The following GNB1 variants were observed in gnomAD, a reference collection of about 807,000 sequenced individuals.
GNB1 encodes G protein subunit beta 1.
Under a neutral mutation model 42.9 loss-of-function variants are expected in GNB1, and 2 were observed. That is an observed-to-expected ratio of 0.05 (90% confidence interval 0.02 to 0.15). The LOEUF (loss-of-function observed/expected upper bound fraction) is 0.15, where lower values mean the gene tolerates loss of function less well. Among genes scored for constraint, GNB1 ranks in the 10% least tolerant of loss-of-function variants. The pLI, the probability that GNB1 is intolerant of heterozygous loss-of-function variation, is 1.00. For missense variants in GNB1, 193 were observed against 462.2 expected, an observed-to-expected ratio of 0.42 and a Z score of 5.34; for synonymous variants, 183 against 174.7, an observed-to-expected ratio of 1.05 and a Z score of -0.38.
At chr1:1,796,145 T>C (rs1646543566) in intron 7 of GNB1, among the ~76,000 whole-genome samples, 1 of 152,226 alleles carries the variant, frequency 6.6e-6, no homozygotes, top group Non-Finnish European at 1.5e-5. Context: ...ATATGTATTA[T>C]GTTAGATGGT....
At chr1:1,866,255 A>G (rs1238405994) in intron 1 of GNB1, among the ~76,000 whole-genome samples, 1 of 152,232 alleles carries the variant, frequency 6.6e-6, no homozygotes, top group South Asian at 2.1e-4. Flanking sequence ...ACAGTATCTT[A>G]AAACAGTATG....
At chr1:1,846,718 G>C (rs894298891) in intron 1 of GNB1, among the ~76,000 whole-genome samples, 1 of 152,202 alleles carries the variant, frequency 6.6e-6, no homozygotes, top group South Asian at 2.1e-4. Flanking sequence ...CACACTGCAC[G>C]TGACTAAATT....
At chr1:1,802,874 A>G (rs541456432) in intron 7 of GNB1, among the ~76,000 whole-genome samples, 3 of 152,214 alleles carry the variant, frequency 2.0e-5, no homozygotes, top group Non-Finnish European at 4.4e-5. Context: ...GAAGCAAACC[A>G]GTGGCCTACA....
chr1:1,805,841 C>T (rs971249355), intron 6 of GNB1, among the ~76,000 whole-genome samples: 3 of 152,086 alleles, frequency 2.0e-5, no homozygotes, highest in East Asian at 1.9e-4. Context: ...GGCGCCCAGC[C>T]GAAAACAAAA....
chr1:1,825,911 C>T (rs1646992051), intron 2 of GNB1, among the ~76,000 whole-genome samples: 1 of 150,838 alleles, frequency 6.6e-6, no homozygotes. Context: ...TCATTACAAA[C>T]CAGAGAACTT....
chr1:1,835,622 G>T (rs1028369851), intron 2 of GNB1, among the ~76,000 whole-genome samples: 1 of 152,176 alleles, frequency 6.6e-6, no homozygotes, highest in Admixed American at 6.5e-5. Context: ...GGCAACCAGT[G>T]TAACAGTGGA....
rs1646409729 is a variant in GNB1, at chr1:1,786,515, G to GGCT, written c.*545_*547dup. On this transcript the variant is annotated 3_prime_UTR_variant, in exon 12 of 12. Coordinates refer to ENST00000378609, the MANE Select transcript of GNB1 (RefSeq NM_002074.5). ...TTTACATCATTGACAACATCAGAGA[G>GGCT]GCTGCCCTAGACTCTCTGGTTTTGA... 6.3e-6 allele frequency: 1 copy of GGCT among 158,664 alleles called. No homozygotes were observed. Among genetic ancestry groups the GGCT allele is most frequent in the Non-Finnish European group, 1.4e-5 (1 of 72,290 alleles). 9.8% of individuals were successfully genotyped at this position (158,664 alleles called of 1,614,324 possible). A position where few individuals can be genotyped will look rare whatever the true frequency, so the allele number is the denominator to read the frequency against.
chr1:1,845,724 G>A (rs907928794), intron 1 of GNB1, among the ~76,000 whole-genome samples: 13 of 152,024 alleles, frequency 8.6e-5, no homozygotes, highest in Non-Finnish European at 1.8e-4. Flanking sequence ...CGGACTATCT[G>A]AAAGCAAGGA....
intron 3 of GNB1, among the ~76,000 whole-genome samples, chr1:1,824,763 G>A (rs932858440): frequency 6.6e-6 from 1 of 151,850 alleles, no homozygotes; most frequent in African/African-American, 2.4e-5. Context: ...TGTAGAGATG[G>A]GGGTTTCACT....
chr1:1,791,422 G>A (rs954686353), intron 8 of GNB1, among the ~76,000 whole-genome samples: 4 of 152,094 alleles, frequency 2.6e-5, no homozygotes, highest in African/African-American at 7.2e-5. Flanking sequence ...TGATCCGCCC[G>A]CCTCGGCCTC....
At chr1:1,809,189 A>ATTTT (rs34549355) in intron 5 of GNB1, among the ~76,000 whole-genome samples, 3 of 92,720 alleles carry the variant, frequency 3.2e-5, no homozygotes, top group Admixed American at 1.2e-4. Flanking sequence ...TTCAGATGCA[A>ATTTT]TTTTTTTTTT....
intron 7 of GNB1, among the ~76,000 whole-genome samples, chr1:1,797,601 C>T (rs1318589342): frequency 6.6e-6 from 1 of 152,174 alleles, no homozygotes; most frequent in African/African-American, 2.4e-5. Flanking sequence ...CCACATCCAG[C>T]TAATTTTTGT....
At chr1:1,851,228 T>C (rs958473182) in intron 1 of GNB1, among the ~76,000 whole-genome samples, 4 of 152,108 alleles carry the variant, frequency 2.6e-5, no homozygotes, top group African/African-American at 9.6e-5. Context: ...CTGACCAACA[T>C]GGAGAAACCA....
intron 2 of GNB1, among the ~76,000 whole-genome samples, chr1:1,829,052 A>C (rs893036836): frequency 2.0e-5 from 3 of 151,992 alleles, no homozygotes; most frequent in African/African-American, 7.2e-5. Flanking sequence ...ATAAAGATAT[A>C]TTTTCTTTTC....
intron 1 of GNB1, among the ~76,000 whole-genome samples, chr1:1,870,466 T>C (rs1306286153): frequency 6.6e-6 from 1 of 152,218 alleles, no homozygotes; most frequent in Admixed American, 6.5e-5. Flanking sequence ...ATTATAGTTA[T>C]AAGCCACTAT....
At chr1:1,853,099 C>T (rs1648080612) in intron 1 of GNB1, among the ~76,000 whole-genome samples, 2 of 152,232 alleles carry the variant, frequency 1.3e-5, no homozygotes, top group South Asian at 4.2e-4. Context: ...CCATCCCTTT[C>T]CCCTCCTGCC....
intron 2 of GNB1, among the ~76,000 whole-genome samples, chr1:1,826,373 C>T (rs1348405679): frequency 6.6e-6 from 1 of 152,172 alleles, no homozygotes; most frequent in Non-Finnish European, 1.5e-5. Context: ...GCCAAAATCA[C>T]ACCACTGCAT....
chr1:1,808,852 C>T (rs1646737852), intron 5 of GNB1, among the ~76,000 whole-genome samples: 1 of 152,122 alleles, frequency 6.6e-6, no homozygotes, highest in African/African-American at 2.4e-5. Flanking sequence ...CCATGTTACC[C>T]AGGCTGGTCT....
At chr1:1,796,617 C>A (rs1016380384) in intron 7 of GNB1, among the ~76,000 whole-genome samples, 1 of 152,174 alleles carries the variant, frequency 6.6e-6, no homozygotes, top group Non-Finnish European at 1.5e-5. Flanking sequence ...GGTGAAAACA[C>A]GCCCCTCCTC....
Sources: gnomAD v4.1 joint callset for allele counts (sites outside exome capture counted in the v4.1 genomes callset) on GRCh38, gnomAD v4.1.1 for gene constraint, MANE v1.5 for transcripts, NCBI Gene and HGNC (gene_info 2026-07-23, HGNC 2026-07-21) for gene names.